Variants in ZNRF2 observed in about 807,000 individuals in gnomAD.
The protein encoded by ZNRF2 is zinc and ring finger 2.
A neutral mutation model predicts 20.4 loss-of-function variants in ZNRF2; 16 were observed. That is an observed-to-expected ratio of 0.79 (90% CI 0.53 to 1.19). The LOEUF (loss-of-function observed/expected upper bound fraction) is 1.19, where lower values mean the gene tolerates loss of function less well. Ranked by LOEUF, ZNRF2 falls within the 50% of genes most tolerant of loss-of-function variation. The pLI is 0.00. For missense variants in ZNRF2, 363 were observed against 332.4 expected, an observed-to-expected ratio of 1.09 and a Z score of -0.72; for synonymous variants, 178 against 144.9, an observed-to-expected ratio of 1.23 and a Z score of -1.64.
At chr7:30,362,650 G>T (rs982315233) in intron 4 of ZNRF2, among the ~76,000 whole-genome samples, 194 bp downstream of exon 4, 2 of 152,114 alleles carry the variant, frequency 1.3e-5, no homozygotes, top group Non-Finnish European at 2.9e-5. Flanking sequence ...ATGCTGGCTC[G>T]CGCCTGTAAT....
intron 1 of ZNRF2, among the ~76,000 whole-genome samples, chr7:30,313,457 G>A (rs971406930): frequency 2.6e-5 from 4 of 152,082 alleles, no homozygotes; most frequent in Admixed American, 1.3e-4. Flanking sequence ...GCTCAGACAT[G>A]CATTTCTCCC....
intron 1 of ZNRF2, among the ~76,000 whole-genome samples, chr7:30,291,681 A>G (rs1317276838): frequency 1.3e-5 from 2 of 152,228 alleles, no homozygotes; most frequent in South Asian, 2.1e-4. Flanking sequence ...TTGAGTGGCT[A>G]CAGGATTTTC....
At chr7:30,354,075 A>T (rs1799999663) in intron 2 of ZNRF2, among the ~76,000 whole-genome samples, 1 of 152,032 alleles carries the variant, frequency 6.6e-6, no homozygotes, top group South Asian at 2.1e-4. Context: ...GAACAATAAG[A>T]GAAAAATGGA....
At chr7:30,359,048 A>G (rs1313157083) in intron 3 of ZNRF2, among the ~76,000 whole-genome samples, 1 of 152,206 alleles carries the variant, frequency 6.6e-6, no homozygotes, top group African/African-American at 2.4e-5. Context: ...AGAATGAACT[A>G]TTCAATAAAT....
At chr7:30,301,833 A>G (rs1375343223) in intron 1 of ZNRF2, among the ~76,000 whole-genome samples, 1 of 152,144 alleles carries the variant, frequency 6.6e-6, no homozygotes, top group Non-Finnish European at 1.5e-5. Context: ...TTAGGTCAGT[A>G]GCCTGGAGCA....
chr7:30,284,647 G>C lies in ZNRF2; in HGVS notation c.-711G>C, dbSNP rs150031568. ...CAGCCGCGCCGCTCCGCGGCCTTCC[G>C]GCGCGGGGCCGGGGAACCTCCTCCC... On this transcript the variant is annotated 5_prime_UTR_variant, in exon 1 of 5. Coordinates refer to ENST00000323037, the MANE Select transcript of ZNRF2 (RefSeq NM_147128.4). 3.1e-4 allele frequency: 47 copies of C among 153,140 alleles called. No individual in the cohort carries two copies. The highest frequency in any genetic ancestry group is 1.1e-3 in the African/African-American group (46 of 41,418). The allele number at this position is 153,140 out of a possible 1,614,324, so 9.5% of individuals were successfully genotyped here.
intron 2 of ZNRF2, among the ~76,000 whole-genome samples, chr7:30,330,303 AAAG>A (rs1160163695): frequency 6.6e-6 from 1 of 152,230 alleles, no homozygotes; most frequent in Non-Finnish European, 1.5e-5. Flanking sequence ...GAATCATCAG[AAAG>A]AAGAACAACT....
chr7:30,355,081 A>T (rs1347009630), intron 2 of ZNRF2, among the ~76,000 whole-genome samples: 1 of 152,134 alleles, frequency 6.6e-6, no homozygotes, highest in African/African-American at 2.4e-5. Flanking sequence ...TACCCTGCAG[A>T]TCCTTTTGGA....
intron 2 of ZNRF2, among the ~76,000 whole-genome samples, chr7:30,340,838 C>G (rs1287619901): frequency 6.6e-6 from 1 of 152,074 alleles, no homozygotes; most frequent in Non-Finnish European, 1.5e-5. Flanking sequence ...CTTTGTACCT[C>G]CGGTAGAGTT....
chr7:30,315,381 A>G (rs973048325), intron 1 of ZNRF2, among the ~76,000 whole-genome samples: 2 of 152,178 alleles, frequency 1.3e-5, no homozygotes, highest in African/African-American at 4.8e-5. Flanking sequence ...TATAAATGCT[A>G]TGAGAGAGAT....
intron 1 of ZNRF2, among the ~76,000 whole-genome samples, chr7:30,298,134 AAT>A (rs1799047883): frequency 6.6e-6 from 1 of 152,150 alleles, no homozygotes; most frequent in African/African-American, 2.4e-5. Context: ...GGTCTTTAAA[AAT>A]AGTTTTTTTT....
rs538439721 is a variant in ZNRF2, at chr7:30,290,037, A to G, written c.469+4211A>G. On this transcript the variant is annotated intron_variant, in intron 1 of 4. Transcript: ENST00000323037. The stretch of plus-strand genomic sequence containing the variant: ...ATTGCCCTAATATTAAACTTATTAC[A>G]TGTAGTATTATGTATAATTGGGTAT... 7.3e-4 allele frequency: 304 copies of G among 415,848 alleles called. 1 individual carries two copies. The highest frequency in any genetic ancestry group is 2.6e-3 in the Middle Eastern group (7 of 2,726). 25.8% of individuals were successfully genotyped at this position (415,848 alleles called of 1,614,324 possible).
chr7:30,315,288 G>A (rs1240629951), intron 1 of ZNRF2, among the ~76,000 whole-genome samples: 1 of 152,030 alleles, frequency 6.6e-6, no homozygotes, highest in East Asian at 1.9e-4. Context: ...ATAATCCCTT[G>A]GAAATCTCAA....
intron 2 of ZNRF2, among the ~76,000 whole-genome samples, chr7:30,352,224 A>G (rs1475207923): frequency 1.3e-5 from 2 of 152,132 alleles, no homozygotes; most frequent in East Asian, 3.9e-4. Flanking sequence ...TAAGTTTTCA[A>G]CTTTAAATCT....
chr7:30,289,496 G>A (rs1315165246), intron 1 of ZNRF2, among the ~76,000 whole-genome samples: 1 of 152,186 alleles, frequency 6.6e-6, no homozygotes, highest in Non-Finnish European at 1.5e-5. Context: ...TGCCATTGAA[G>A]GCTTTTATGG....
chr7:30,299,618 C>G (rs1799075823), intron 1 of ZNRF2, among the ~76,000 whole-genome samples: 1 of 151,952 alleles, frequency 6.6e-6, no homozygotes, highest in Non-Finnish European at 1.5e-5. Flanking sequence ...CCATTGTCTT[C>G]CCAGATGTAA....
chr7:30,303,109 C>T (rs141092794), intron 1 of ZNRF2, among the ~76,000 whole-genome samples: 6 of 152,006 alleles, frequency 3.9e-5, no homozygotes, highest in Admixed American at 3.3e-4. Context: ...GGAAAAACCC[C>T]GTCTCTACCA....
chr7:30,351,496 A>C (rs1219740953), intron 2 of ZNRF2, among the ~76,000 whole-genome samples: 1 of 152,080 alleles, frequency 6.6e-6, no homozygotes, highest in Non-Finnish European at 1.5e-5. Context: ...GCGTGTGACC[A>C]GTCTTGAGAG....
rs1315183080 is a variant in ZNRF2, at chr7:30,366,720, TTTAA to T, written c.*713_*716del. ...AGCAAATCATATTACATAATTACAT[TTTAA>T]TTAAATATAGAATATTCTACTGAAT... On this transcript the variant is annotated 3_prime_UTR_variant, in exon 5 of 5. Transcript: ENST00000323037. 3 of 152,542 alleles carry T rather than the reference TTTAA, an allele frequency of 2.0e-5. No individual in the cohort carries two copies. The highest frequency in any genetic ancestry group is 7.2e-5 in the African/African-American group (3 of 41,444). The allele number at this position is 152,542 out of a possible 1,614,324, so 9.4% of individuals were successfully genotyped here.
Sources: gnomAD v4.1 joint callset for allele counts (sites outside exome capture counted in the v4.1 genomes callset) on GRCh38, gnomAD v4.1.1 for gene constraint, MANE v1.5 for transcripts, NCBI Gene and HGNC (gene_info 2026-07-23, HGNC 2026-07-21) for gene names.